The following ADAM32 variants were observed in gnomAD, a reference collection of about 807,000 sequenced individuals.
ADAM32 encodes ADAM metallopeptidase domain 32, also known as disintegrin and metalloproteinase domain-containing protein 32.
In ADAM32, 89 loss-of-function variants were observed where a neutral mutation model predicts 114.9. That is an observed-to-expected ratio of 0.77 (90% confidence interval 0.65 to 0.92). The LOEUF (loss-of-function observed/expected upper bound fraction) is 0.92. ADAM32 is among the 40% of genes least tolerant of loss of function. The pLI is 0.00. For missense variants in ADAM32, 870 were observed against 932.8 expected (o/e 0.93, Z 0.88); for synonymous variants, 285 against 307.5 (o/e 0.93, Z 0.77).
At chr8:39,259,207 T>C (rs995019859) in intron 19 of ADAM32, among the ~76,000 whole-genome samples, 1 of 152,028 alleles carries the variant, frequency 6.6e-6, no homozygotes, top group African/African-American at 2.4e-5. Context: ...TTCATTTTTC[T>C]TTCTTTTTTG....
intron 6 of ADAM32, among the ~76,000 whole-genome samples, chr8:39,159,352 A>G (rs1228188264): frequency 6.6e-6 from 1 of 152,250 alleles, no homozygotes; most frequent in Admixed American, 6.5e-5. Flanking sequence ...GGGTTTGGAT[A>G]TACATGCAAC....
chr8:39,167,185 TC>T (rs1292643725), intron 9 of ADAM32: 2 of 152,190 alleles, frequency 1.3e-5, no homozygotes, highest in African/African-American at 2.4e-5. Flanking sequence ...TTAGTTTAAG[TC>T]CTTAGGTTAA....
intron 12 of ADAM32, among the ~76,000 whole-genome samples, chr8:39,215,701 A>G (rs1808509028): frequency 6.6e-6 from 1 of 151,994 alleles, no homozygotes; most frequent in African/African-American, 2.4e-5. Context: ...AGTTTTCAAA[A>G]TTCCTCTTGT....
intron 2 of ADAM32, among the ~76,000 whole-genome samples, chr8:39,124,512 G>C (rs950071463): frequency 6.6e-6 from 1 of 151,644 alleles, no homozygotes; most frequent in Non-Finnish European, 1.5e-5. Context: ...CCACCTCCCG[G>C]GTTCATGCCA....
At chr8:39,116,715 G>A (rs186975991) in intron 1 of ADAM32, among the ~76,000 whole-genome samples, 180 of 152,098 alleles carry the variant, frequency 1.2e-3, no homozygotes, top group Middle Eastern at 3.4e-3. Flanking sequence ...CTTCCTATTC[G>A]GATGCCTTTT....
intron 6 of ADAM32, chr8:39,158,226 C>T: frequency 2.0e-4 from 1 of 5,072 alleles, no homozygotes; most frequent in Admixed American, 4.1e-3. Flanking sequence ...GCAGGTGCAT[C>T]TGGGTGTAGA....
intron 17 of ADAM32, among the ~76,000 whole-genome samples, chr8:39,250,852 G>A (rs555201607): frequency 5.3e-5 from 8 of 151,880 alleles, no homozygotes; most frequent in African/African-American, 1.4e-4. Flanking sequence ...TCTGGCCTCT[G>A]GTAACCACCC....
At chr8:39,190,380 A>G (rs968983888) in intron 11 of ADAM32, among the ~76,000 whole-genome samples, 3 of 152,262 alleles carry the variant, frequency 2.0e-5, no homozygotes, top group African/African-American at 7.2e-5. Context: ...TTTCTAATAT[A>G]CTGATTTCCT....
At chr8:39,244,651 A>G (rs1020675533) in intron 16 of ADAM32, among the ~76,000 whole-genome samples, 3 of 152,154 alleles carry the variant, frequency 2.0e-5, no homozygotes, top group African/African-American at 7.2e-5. Flanking sequence ...TATCAACTCA[A>G]GATGTGTCAA....
rs1327416789 is a variant in ADAM32 at position 39,187,006 on chromosome 8, A to G, written c.1013A>G (p.Gln338Arg). The change falls in exon 11 of 25, where the codon CAA becomes CGA. Residue 338 changes from glutamine (Q) to arginine (R), a missense_variant. Coordinates refer to ENST00000379907, the MANE Select transcript of ADAM32 (RefSeq NM_145004.7). ...TCATATGACGACCCAAAGAAATGTC[A>G]ATGTTCAGAATCCACCTGTATAATG... ...GISYDDPKKC[Q>R]CSESTCIMNP... The G allele has an allele frequency of 6.2e-7, 1 of 1,612,946 alleles. No homozygotes were observed. Among genetic ancestry groups the G allele is most frequent in the South Asian group, 1.1e-5 (1 of 90,908 alleles).
chr8:39,143,863 T>A (rs1564476787), intron 3 of ADAM32, among the ~76,000 whole-genome samples: 1 of 152,120 alleles, frequency 6.6e-6, no homozygotes, highest in Non-Finnish European at 1.5e-5. Context: ...TGTGGTGGGG[T>A]CTGCCCAGTT....
chr8:39,272,474 C>G (rs1274579827), intron 20 of ADAM32, among the ~76,000 whole-genome samples: 1 of 152,086 alleles, frequency 6.6e-6, no homozygotes, highest in Non-Finnish European at 1.5e-5. Flanking sequence ...TAGGTTATAT[C>G]CTATAACCTT....
chr8:39,241,553 C>T (rs1384479157), intron 16 of ADAM32, among the ~76,000 whole-genome samples: 1 of 152,232 alleles, frequency 6.6e-6, no homozygotes. Flanking sequence ...TGTGCATCCA[C>T]AGCCTCAACA....
rs1811141216 is a variant in ADAM32, at chr8:39,249,319, T to C, written c.1902+3153T>C. On this transcript the variant is annotated intron_variant, in intron 17 of 24. Transcript: ENST00000379907. ...AAGTACATCAGCTAATTTTCTAATG[T>C]TGAACCAGTTACATGCCTGCGATAA... Among the ~76,000 whole-genome samples, 3 of 152,256 alleles carry C rather than the reference T, an allele frequency of 2.0e-5. 1 individual carries two copies. In the South Asian group the frequency reaches 6.2e-4, roughly 31 times the overall value.
chr8:39,208,189 A>G (rs1807972862), intron 11 of ADAM32, among the ~76,000 whole-genome samples: 1 of 152,132 alleles, frequency 6.6e-6, no homozygotes, highest in South Asian at 2.1e-4. Flanking sequence ...TTCACTAAGA[A>G]TGTTCAAGAT....
At chr8:39,151,251 T>A (rs1411301146) in intron 5 of ADAM32, 126 bp from the exon 6 acceptor site, 1 of 802,394 alleles carries the variant, frequency 1.2e-6, no homozygotes, top group African/African-American at 1.8e-5. Flanking sequence ...GAGTCATCTC[T>A]AAGACAGAAT....
intron 20 of ADAM32, among the ~76,000 whole-genome samples, chr8:39,271,906 G>A (rs1051845600): frequency 3.9e-5 from 6 of 151,920 alleles, no homozygotes; most frequent in African/African-American, 9.7e-5. Context: ...GGCTGTGTGT[G>A]TTGGGTCATG....
intron 6 of ADAM32, among the ~76,000 whole-genome samples, chr8:39,156,593 A>G (rs1338748249): frequency 1.3e-5 from 2 of 152,232 alleles, no homozygotes; most frequent in Non-Finnish European, 2.9e-5. Flanking sequence ...TTAGTTTACT[A>G]CAGCTGCCAT....
intron 1 of ADAM32, 85 bp downstream of exon 1, chr8:39,107,918 C>T: frequency 7.0e-7 from 1 of 1,430,498 alleles, no homozygotes; most frequent in Non-Finnish European, 9.2e-7. Flanking sequence ...CCCTCCCTGT[C>T]TGGGTCCCTT....
Sources: gnomAD v4.1 joint callset for allele counts (sites outside exome capture counted in the v4.1 genomes callset) on GRCh38, gnomAD v4.1.1 for gene constraint, MANE v1.5 for transcripts, NCBI Gene and HGNC (gene_info 2026-07-23, HGNC 2026-07-21) for gene names.